The following TAFAZZIN variants were observed in gnomAD, a reference collection of about 807,000 sequenced individuals.
The protein encoded by TAFAZZIN is protein G4.5.
TAFAZZIN carries 6 observed loss-of-function variants against 27.3 expected under a neutral mutation model. That is an observed-to-expected ratio of 0.22 (90% CI 0.12 to 0.43). The LOEUF is 0.43. Among genes scored for constraint, TAFAZZIN ranks in the 20% least tolerant of loss-of-function variants. TAFAZZIN has a pLI of 1.00. For synonymous variants in TAFAZZIN, 79 were observed against 96.2 expected (o/e 0.82, Z 1.04); for missense variants, 127 against 244.5 (o/e 0.52, Z 3.21).
chrX:154,416,127 C>T (rs1163965078), intron 5 of TAFAZZIN, among the ~76,000 whole-genome samples: 1 of 109,266 alleles, frequency 9.2e-6, no homozygotes, highest in Non-Finnish European at 1.9e-5. Flanking sequence ...AGGCTGGGCG[C>T]GGTGGCTCAC....
intron 5 of TAFAZZIN, among the ~76,000 whole-genome samples, chrX:154,415,743 T>C (rs1421858301): frequency 9.4e-6 from 1 of 106,623 alleles, no homozygotes; most frequent in African/African-American, 3.4e-5. Context: ...TAGCTGGATG[T>C]GGTGGCGCAC....
At chrX:154,413,400 T>G (rs1167959384) in intron 3 of TAFAZZIN, 82 bp from the exon 4 acceptor site, 3 of 1,207,646 alleles carry the variant, frequency 2.5e-6, no homozygotes, top group Non-Finnish European at 3.4e-6. Flanking sequence ...CCCCTGTGCC[T>G]CCCTTCTGCA....
intron 4 of TAFAZZIN, 96 bp from the exon 5 acceptor site, chrX:154,414,005 C>A: frequency 1.7e-6 from 1 of 585,689 alleles, no homozygotes; most frequent in Non-Finnish European, 3.0e-6. Context: ...ATTCTCCAGA[C>A]AGGGAGGATC....
At chrX:154,413,003 G>A in intron 2 of TAFAZZIN, 1 of 493,875 alleles carries the variant, frequency 2.0e-6, no homozygotes, top group South Asian at 2.9e-5. Flanking sequence ...CAGTCCAGGT[G>A]CAGTGATTAG....
At position 154,420,754 on chromosome X, in the gene TAFAZZIN, C is replaced by T. The variant is rs1557194419; in HGVS notation, c.777+19C>T. The T allele has an allele frequency of 5.8e-6, 7 of 1,209,262 alleles. No individual in the cohort carries two copies. Among genetic ancestry groups the T allele is most frequent in the South Asian group, 3.5e-5 (2 of 56,901 alleles). ...GTCGGCTGTGAGTTTCCTCCTGGGT[C>T]CCCCGTAGCTGTCCCCGGACCCCCT... is the stretch of plus-strand genomic sequence containing the variant. On this transcript the variant is annotated intron_variant, in intron 10 of 10. Coordinates refer to ENST00000601016, the MANE Select transcript of TAFAZZIN (RefSeq NM_000116.5).
intron 3 of TAFAZZIN, 100 bp downstream of exon 3, chrX:154,413,352 A>T: frequency 8.3e-7 from 1 of 1,207,712 alleles, no homozygotes; most frequent in South Asian, 1.8e-5. Context: ...GGCGTCCAGC[A>T]GTCCAGGCAG....
At chrX:154,413,378 C>T in intron 3 of TAFAZZIN, 104 bp from the exon 4 acceptor site, 1 of 1,207,495 alleles carries the variant, frequency 8.3e-7, no homozygotes, top group Non-Finnish European at 1.1e-6. Flanking sequence ...GGGGTGGGGC[C>T]CCGCAGGCCC....
At chrX:154,413,069 C>CT (rs1450785617) in intron 2 of TAFAZZIN, 138 bp from the exon 3 acceptor site, 5 of 848,952 alleles carry the variant, frequency 5.9e-6, no homozygotes, top group Non-Finnish European at 8.6e-6. Flanking sequence ...ATGATCTGGC[C>CT]TAAGGGTCTG....
intron 5 of TAFAZZIN, among the ~76,000 whole-genome samples, chrX:154,417,506 AAGAGAC>A (rs1260513466): frequency 1.8e-5 from 2 of 112,932 alleles, no homozygotes; most frequent in Admixed American, 1.9e-4. Context: ...TTGGAGGAAA[AAGAGAC>A]AGAAGGAAGG....
intron 4 of TAFAZZIN, 182 bp downstream of exon 4, chrX:154,413,749 G>A (rs1305635704): frequency 1.5e-5 from 7 of 465,884 alleles, no homozygotes; most frequent in Non-Finnish European, 2.2e-5. Flanking sequence ...TCCTTGGAAA[G>A]TCCTCAACTC....
In TAFAZZIN at chrX:154,420,239, C is replaced by T. The variant is rs375151766; in HGVS notation, c.674C>T (p.Pro225Leu). The change falls in exon 9 of 11, where the codon CCG becomes CTG. Residue 225 changes from proline to leucine, a missense_variant. Pro to Leu is a moderately conservative substitution (Grantham distance 98, BLOSUM62 -3). Around this residue, in one of 3 missense-constraint regions of TAFAZZIN, gnomAD observed 79 missense variants for 188.7 expected, o/e 0.42. Coordinates refer to ENST00000601016, the MANE Select transcript of TAFAZZIN (RefSeq NM_000116.5). ...VGMNDVLPNS[P>L]PYFPRFGQKI... ...ATGAATGACGTCCTTCCTAACAGTCCGCCCTACTTCCCCCGCTTTGGACAG... is the reference window on the plus strand; with the variant it reads ...ATGAATGACGTCCTTCCTAACAGTCTGCCCTACTTCCCCCGCTTTGGACAG... 56 of 1,209,729 alleles carry T rather than the reference C, an allele frequency of 4.6e-5. No individual in the cohort carries two copies. Among genetic ancestry groups the T allele is most frequent in the South Asian group, 2.3e-4 (13 of 56,775 alleles).
At chrX:154,414,512 G>A (rs1243381353) in intron 5 of TAFAZZIN, among the ~76,000 whole-genome samples, 1 of 109,466 alleles carries the variant, frequency 9.1e-6, no homozygotes, top group African/African-American at 3.3e-5. Context: ...CTAACACGGT[G>A]AAACCCCGTC....
intron 5 of TAFAZZIN, chrX:154,418,332 C>G (rs1043598881): frequency 8.9e-6 from 1 of 112,238 alleles, no homozygotes; most frequent in African/African-American, 3.2e-5. Context: ...AAGAATCGGC[C>G]TTGCAGAGAA....
Position 154,417,287 on chromosome X carries a change from G to A in TAFAZZIN, c.461-2256G>A, listed in dbSNP as rs372807106. ...GAGAGAGAAGCCACCAAGATGGCAG[G>A]GAGCCATGGCCAGAGAGAAAAGCAA... On this transcript the variant is annotated intron_variant, in intron 5 of 10. Transcript: ENST00000601016. Among the ~76,000 whole-genome samples, 16 of 112,489 alleles carry A rather than the reference G, an allele frequency of 1.4e-4. 1 individual carries two copies. In the East Asian group the frequency reaches 3.9e-3, roughly 28 times the overall value.
intron 1 of TAFAZZIN, 24 bp from the exon 2 acceptor site, chrX:154,412,062 G>T: frequency 8.3e-7 from 1 of 1,209,401 alleles, no homozygotes; most frequent in Non-Finnish European, 1.1e-6. Flanking sequence ...AGCCCGGAGC[G>T]CCTGACTTCT....
intron 10 of TAFAZZIN, 74 bp downstream of exon 10, chrX:154,420,809 C>T (rs2068609647): frequency 8.5e-7 from 1 of 1,182,219 alleles, no homozygotes; most frequent in Non-Finnish European, 1.2e-6. Context: ...GTGCCTCCAC[C>T]CTCTCCATCC....
Position 154,412,069 on chromosome X carries a change from T to G in TAFAZZIN, c.110-17T>G, listed in dbSNP as rs62617809. The G allele has an allele frequency of 1.7e-6, 2 of 1,206,372 alleles. No homozygotes were observed. Among genetic ancestry groups the G allele is most frequent in the Non-Finnish European group, 2.2e-6 (2 of 893,550 alleles). ...AGCGGGCGAGCCCGGAGCGCCTGAC[T>G]TCTCCTTCCCCGCCAGAGTACATGA... On this transcript the variant is annotated splice_polypyrimidine_tract_variant and intron_variant, in intron 1 of 10. Coordinates refer to ENST00000601016, the MANE Select transcript of TAFAZZIN (RefSeq NM_000116.5).
At chrX:154,415,356 G>A (rs1438028898) in intron 5 of TAFAZZIN, among the ~76,000 whole-genome samples, 2 of 110,716 alleles carry the variant, frequency 1.8e-5, no homozygotes, top group Non-Finnish European at 3.8e-5. Context: ...CAAAGTGCTG[G>A]GATCACAGGC....
At chrX:154,416,290 G>A (rs935291836) in intron 5 of TAFAZZIN, among the ~76,000 whole-genome samples, 9 of 111,404 alleles carry the variant, frequency 8.1e-5, no homozygotes, top group African/African-American at 1.6e-4. Context: ...CCAGCTACTC[G>A]GGAGGCTGAG....
Sources: allele counts gnomAD v4.1 joint callset (sites outside exome capture counted in the v4.1 genomes callset), GRCh38; gene constraint gnomAD v4.1.1; regional missense constraint gnomAD v4.1.1; transcripts MANE v1.5; gene names NCBI Gene and HGNC (gene_info 2026-07-23, HGNC 2026-07-21).